ZFPM2: variants seen among roughly 807,000 people sequenced by gnomAD.
The protein encoded by ZFPM2 is zinc finger protein ZFPM2.
A neutral mutation model predicts 98.6 loss-of-function variants in ZFPM2; 20 were observed. That is an observed-to-expected ratio of 0.20 (90% CI 0.14 to 0.29). The LOEUF is 0.29. Among genes scored for constraint, ZFPM2 ranks in the 10% least tolerant of loss-of-function variants. The pLI, the probability that ZFPM2 is intolerant of heterozygous loss-of-function variation, is 1.00. For missense variants in ZFPM2, 1,310 were observed against 1,388.6 expected, an observed-to-expected ratio of 0.94 and a Z score of 0.90; for synonymous variants, 518 against 502.7, an observed-to-expected ratio of 1.03 and a Z score of -0.41.
chr8:105,802,429 T>C lies in ZFPM2; in HGVS notation c.2347T>C (p.Cys783Arg). 6.2e-7 allele frequency: 1 copy of C among 1,613,668 alleles called. No individual in the cohort carries two copies. The highest frequency in any genetic ancestry group is 8.5e-7 in the Non-Finnish European group (1 of 1,179,824). Residue 783 changes from cysteine to arginine, a missense_variant, in exon 8 of 8, where the codon TGC (cysteine) becomes CGC (arginine). By Grantham distance (180) the Cys-to-Arg change is radical (BLOSUM62 -3). Coordinates refer to ENST00000407775, the MANE Select transcript of ZFPM2 (RefSeq NM_012082.4). Reference protein sequence around the residue: ...TQEPTEGLGECYHPRCDIFPG... With the variant: ...TQEPTEGLGERYHPRCDIFPG... ...AGAACCCACAGAAGGGCTAGGAGAG[T>C]GCTACCACCCAAGATGTGATATCTT... is the stretch of plus-strand genomic sequence containing the variant.
At chr8:105,405,491 C>T (rs184593537) in intron 1 of ZFPM2, among the ~76,000 whole-genome samples, 146 of 146,542 alleles carry the variant, frequency 1.0e-3, no homozygotes, top group African/African-American at 3.6e-3. Flanking sequence ...CATGTGGTCT[C>T]ATTGTTCAAT....
intron 1 of ZFPM2, among the ~76,000 whole-genome samples, chr8:105,418,331 G>C (rs1332845932): frequency 1.3e-5 from 2 of 152,066 alleles, no homozygotes; most frequent in Non-Finnish European, 2.9e-5. Context: ...TGATTCTTTA[G>C]AGGCAGTCAG....
intron 1 of ZFPM2, among the ~76,000 whole-genome samples, chr8:105,408,583 G>A (rs969631854): frequency 2.0e-5 from 3 of 151,900 alleles, no homozygotes; most frequent in African/African-American, 7.2e-5. Context: ...ATGGAAATTT[G>A]GAAAATTACA....
chr8:105,778,357 A>T (rs1003779625), intron 5 of ZFPM2, among the ~76,000 whole-genome samples: 1 of 149,582 alleles, frequency 6.7e-6, no homozygotes, highest in Non-Finnish European at 1.5e-5. Flanking sequence ...GGGAGGTATC[A>T]TGTGAGATTT....
At chr8:105,676,530 C>A (rs1448164174) in intron 5 of ZFPM2, among the ~76,000 whole-genome samples, 1 of 151,968 alleles carries the variant, frequency 6.6e-6, no homozygotes, top group Non-Finnish European at 1.5e-5. Context: ...TTGACTGTTT[C>A]AGCGTCAGCA....
At chr8:105,400,426 A>G (rs1195303280) in intron 1 of ZFPM2, among the ~76,000 whole-genome samples, 2 of 151,604 alleles carry the variant, frequency 1.3e-5, no homozygotes, top group African/African-American at 2.4e-5. Flanking sequence ...CCCCTACCCC[A>G]CAACAGTCCC....
At chr8:105,718,106 G>A (rs1017362695) in intron 5 of ZFPM2, among the ~76,000 whole-genome samples, 6 of 152,064 alleles carry the variant, frequency 3.9e-5, no homozygotes, top group South Asian at 4.1e-4. Flanking sequence ...AGTCTAAAAT[G>A]TGAGGTCATG....
chr8:105,715,933 A>G (rs1811514424), intron 5 of ZFPM2, among the ~76,000 whole-genome samples: 1 of 152,010 alleles, frequency 6.6e-6, no homozygotes, highest in South Asian at 2.1e-4. Context: ...TATGAGAAAC[A>G]CTGGTTCTTC....
chr8:105,751,194 C>A (rs1340727358), intron 5 of ZFPM2, among the ~76,000 whole-genome samples: 1 of 151,988 alleles, frequency 6.6e-6, no homozygotes, highest in African/African-American at 2.4e-5. Flanking sequence ...TTATTTCTAC[C>A]TTTACAAACT....
chr8:105,414,267 C>G (rs1811634979), intron 1 of ZFPM2, among the ~76,000 whole-genome samples: 1 of 151,904 alleles, frequency 6.6e-6, no homozygotes, highest in Non-Finnish European at 1.5e-5. Flanking sequence ...TATATCAGAA[C>G]CATAGAAGTT....
At chr8:105,458,021 A>G (rs1182989469) in intron 3 of ZFPM2, among the ~76,000 whole-genome samples, 1 of 152,160 alleles carries the variant, frequency 6.6e-6, no homozygotes, top group African/African-American at 2.4e-5. Context: ...TGGTGGCCTC[A>G]CTGGTCTTGT....
intron 6 of ZFPM2, among the ~76,000 whole-genome samples, chr8:105,789,841 G>T (rs1232509938): frequency 6.6e-6 from 1 of 151,294 alleles, no homozygotes; most frequent in African/African-American, 2.4e-5. Context: ...GCCAGTGATG[G>T]TGAGCATTTT....
At chr8:105,490,892 G>A (rs1421681389) in intron 3 of ZFPM2, among the ~76,000 whole-genome samples, 1 of 151,788 alleles carries the variant, frequency 6.6e-6, no homozygotes, top group East Asian at 1.9e-4. Context: ...TGAAAAATAA[G>A]GCTTTTAAAG....
At chr8:105,336,645 G>T (rs1347272994) in intron 1 of ZFPM2, among the ~76,000 whole-genome samples, 1 of 150,514 alleles carries the variant, frequency 6.6e-6, no homozygotes, top group Admixed American at 6.7e-5. Flanking sequence ...GCTTCACTGG[G>T]AAACGCTTTA....
chr8:105,770,942 A>C lies in ZFPM2; in HGVS notation c.533-17776A>C, dbSNP rs371101721. The stretch of plus-strand genomic sequence containing the variant: ...CTCCTTATCTTTCCTCTAGGGAGCT[A>C]TATCTAGATGACTTTCCTGCTTCTT... On this transcript the variant is annotated intron_variant, in intron 5 of 7. Transcript: ENST00000407775. Among the ~76,000 whole-genome samples, 9 of 152,252 alleles carry C rather than the reference A, an allele frequency of 5.9e-5. No homozygotes were observed. In the East Asian group the frequency reaches 1.2e-3, roughly 20 times the overall value.
intron 3 of ZFPM2, among the ~76,000 whole-genome samples, 178 bp downstream of exon 3, chr8:105,444,559 A>C (rs1266263862): frequency 1.3e-5 from 2 of 152,194 alleles, no homozygotes; most frequent in Non-Finnish European, 2.9e-5. Context: ...TATATAAATT[A>C]TAAAAACCAA....
In ZFPM2 at chr8:105,803,280, T is replaced by A. The variant is rs1814099295; in HGVS notation, c.3198T>A (p.Asn1066Lys). ...ANPQQENISQ[N>K]PQHEDDHKSP... ...CACAGCAAGAGAACATTTCCCAGAA[T>A]CCTCAGCACGAAGACGACCACAAAT... Residue 1066 changes from asparagine (N) to lysine (K), a missense_variant, in exon 8 of 8, where the codon AAT becomes AAA. Transcript: ENST00000407775. 6.3e-7 allele frequency: 1 copy of A among 1,595,488 alleles called. No individual in the cohort carries two copies. Among genetic ancestry groups the A allele is most frequent in the Non-Finnish European group, 8.5e-7 (1 of 1,170,386 alleles).
chr8:105,540,714 G>C (rs1471004997), intron 3 of ZFPM2, among the ~76,000 whole-genome samples: 1 of 152,068 alleles, frequency 6.6e-6, no homozygotes, highest in Non-Finnish European at 1.5e-5. Context: ...TCTGCATCAA[G>C]GAATTATTTT....
intron 3 of ZFPM2, among the ~76,000 whole-genome samples, chr8:105,456,741 C>T (rs184564067): frequency 2.9e-4 from 44 of 152,174 alleles, no homozygotes; most frequent in African/African-American, 1.0e-3. Context: ...GGCATGATCT[C>T]GGCTCACTGC....
Sources: gnomAD v4.1 joint callset for allele counts (sites outside exome capture counted in the v4.1 genomes callset) on GRCh38, gnomAD v4.1.1 for gene constraint, MANE v1.5 for transcripts, NCBI Gene and HGNC (gene_info 2026-07-23, HGNC 2026-07-21) for gene names.